DHTKD1: variants seen among roughly 807,000 people sequenced by gnomAD.
The protein encoded by DHTKD1 is 2-oxoadipate dehydrogenase complex component E1.
A neutral mutation model predicts 101.8 loss-of-function variants in DHTKD1; 78 were observed. The observed-to-expected ratio is 0.77, with a 90% CI of 0.64 to 0.93. The LOEUF (loss-of-function observed/expected upper bound fraction) is 0.93, where lower values mean the gene tolerates loss of function less well. DHTKD1 is among the 40% of genes least tolerant of loss of function. The pLI is 0.00. For synonymous variants in DHTKD1, 462 were observed against 450.3 expected, an observed-to-expected ratio of 1.03 and a Z score of -0.33; for missense variants, 1,223 against 1,161.7, an observed-to-expected ratio of 1.05 and a Z score of -0.77.
chr10:12,115,426 G>A (rs1311058772), intron 13 of DHTKD1, among the ~76,000 whole-genome samples: 2 of 152,126 alleles, frequency 1.3e-5, no homozygotes, highest in Non-Finnish European at 1.5e-5. Context: ...TTAGCATTCA[G>A]AGGGGAGTAG....
rs746015890 is a variant in DHTKD1 at position 12,087,775 on chromosome 10, G to A, written c.717+46G>A. 6.8e-7 allele frequency: 1 copy of A among 1,460,610 alleles called. No homozygotes were observed. The highest frequency in any genetic ancestry group is 2.4e-5 in the Admixed American group (1 of 40,910). The allele number at this position is 1,460,610 out of a possible 1,614,324, so 90.5% of individuals were successfully genotyped here. A position where few individuals can be genotyped will look rare whatever the true frequency, so the allele number is the denominator to read the frequency against. ...TCTCAGTAGCACTATATGATTGATT[G>A]TAACAGAATAAAACTGCTGGTTTCA... On this transcript the variant is annotated intron_variant, in intron 4 of 16. Transcript: ENST00000263035. This position sits in a 1 kb window ranked among gnomAD's most constrained non-coding sequence, Gnocchi z 5.2.
intron 10 of DHTKD1, among the ~76,000 whole-genome samples, chr10:12,104,865 T>C (rs1833220481): frequency 1.3e-5 from 2 of 149,624 alleles, no homozygotes; most frequent in Non-Finnish European, 3.0e-5. Flanking sequence ...CAAACCAAGA[T>C]CAACAATTTT....
chr10:12,078,931 C>A (rs145970944), intron 1 of DHTKD1, among the ~76,000 whole-genome samples: 1 of 152,192 alleles, frequency 6.6e-6, no homozygotes, highest in Non-Finnish European at 1.5e-5. Flanking sequence ...TCTAAGGGGA[C>A]GTTTTCAATA....
At chr10:12,083,219 T>C (rs925821472) in intron 2 of DHTKD1, among the ~76,000 whole-genome samples, 17 of 151,514 alleles carry the variant, frequency 1.1e-4, no homozygotes, top group Non-Finnish European at 2.5e-4. Context: ...CTGGGCCACA[T>C]TGGAATTAGA....
intron 10 of DHTKD1, among the ~76,000 whole-genome samples, chr10:12,102,419 T>C (rs1443558471): frequency 1.7e-5 from 2 of 120,438 alleles, no homozygotes; most frequent in Non-Finnish European, 3.4e-5. Flanking sequence ...CGAGACTCTG[T>C]CTCAAAAAAA....
intron 8 of DHTKD1, among the ~76,000 whole-genome samples, chr10:12,098,919 C>T (rs1833114973): frequency 6.6e-6 from 1 of 152,124 alleles, no homozygotes; most frequent in Non-Finnish European, 1.5e-5. Flanking sequence ...ATCTGTAATA[C>T]CAGTGCTTTG....
chr10:12,085,472 T>A (rs1832883451), intron 3 of DHTKD1, among the ~76,000 whole-genome samples: 1 of 152,186 alleles, frequency 6.6e-6, no homozygotes, highest in African/African-American at 2.4e-5. Context: ...TTATTCTAAG[T>A]AGCAAAATGT....
At chr10:12,076,243 C>T (rs755410605) in intron 1 of DHTKD1, among the ~76,000 whole-genome samples, 32 of 152,276 alleles carry the variant, frequency 2.1e-4, no homozygotes, top group South Asian at 6.2e-4. Flanking sequence ...TTTGGGAGGC[C>T]GCGGTGGGCG....
intron 1 of DHTKD1, among the ~76,000 whole-genome samples, chr10:12,073,020 G>A (rs55837502): frequency 6.0e-5 from 9 of 150,268 alleles, no homozygotes; most frequent in African/African-American, 2.0e-4. Context: ...ACAGGCATGA[G>A]CCACCGTGCC....
chr10:12,074,463 C>G (rs1325630860), intron 1 of DHTKD1, among the ~76,000 whole-genome samples: 1 of 151,982 alleles, frequency 6.6e-6, no homozygotes, highest in African/African-American at 2.4e-5. Flanking sequence ...TCACGCCATT[C>G]TCCTGCTTCA....
intron 12 of DHTKD1, among the ~76,000 whole-genome samples, chr10:12,108,581 G>A (rs984486098): frequency 1.3e-5 from 2 of 152,062 alleles, no homozygotes; most frequent in Non-Finnish European, 2.9e-5. Context: ...ACCCTGGCTG[G>A]TTATTAAAAC....
chr10:12,097,203 A>G (rs540983739), intron 7 of DHTKD1, among the ~76,000 whole-genome samples: 1 of 152,148 alleles, frequency 6.6e-6, no homozygotes, highest in Non-Finnish European at 1.5e-5. Flanking sequence ...TGGTGCAACC[A>G]TCACTTCTGT....
chr10:12,081,706 C>A, intron 2 of DHTKD1, 79 bp downstream of exon 2: 1 of 1,540,484 alleles, frequency 6.5e-7, no homozygotes. Flanking sequence ...GAAGAAGCAG[C>A]ATCCCCACTG....
At chr10:12,093,045 A>AT (rs34443347) in intron 6 of DHTKD1, among the ~76,000 whole-genome samples, 102,728 of 138,558 alleles carry the variant, frequency 0.74, 38,416 homozygotes, top group South Asian at 0.85. Context: ...TGCACAGCTA[A>AT]TTTTTTTTTT....
rs1832818008 is a variant in DHTKD1 at position 12,081,508 on chromosome 10, G to A, written c.191G>A (p.Cys64Tyr). ...HGLARLVTVY[C>Y]EHGHKAAKIN... The stretch of plus-strand genomic sequence containing the variant: ...CTTGCCAGGTTGGTGACAGTATATT[G>A]TGAGCATGGTCATAAAGCTGCCAAA... Residue 64 changes from cysteine (C) to tyrosine (Y), a missense_variant, in exon 2 of 17, where the codon TGT becomes TAT. Cys to Tyr is a radical substitution (Grantham distance 194). Transcript: ENST00000263035. The A allele has an allele frequency of 6.2e-7, 1 of 1,613,978 alleles. No homozygotes were observed. Among genetic ancestry groups the A allele is most frequent in the African/African-American group, 1.3e-5 (1 of 74,906 alleles).
At chr10:12,088,783 C>G (rs564595206) in intron 4 of DHTKD1, among the ~76,000 whole-genome samples, 159 of 152,118 alleles carry the variant, frequency 1.0e-3, no homozygotes, top group Non-Finnish European at 2.2e-4. Flanking sequence ...CGGGGTTTCA[C>G]CATGTTGGCC....
intron 5 of DHTKD1, among the ~76,000 whole-genome samples, chr10:12,090,307 T>C (rs1007205222): frequency 1.3e-5 from 2 of 152,190 alleles, no homozygotes; most frequent in African/African-American, 2.4e-5. Flanking sequence ...CAGAAACTTG[T>C]AGTGAATAAA....
chr10:12,079,352 C>T (rs775865899), intron 1 of DHTKD1, among the ~76,000 whole-genome samples: 6 of 152,028 alleles, frequency 3.9e-5, no homozygotes, highest in Non-Finnish European at 8.8e-5. Flanking sequence ...GCTGTAGAGC[C>T]CAGGGAAGAA....
chr10:12,084,422 A>G (rs1383084383), intron 2 of DHTKD1, 118 bp from the exon 3 acceptor site: 4 of 658,170 alleles, frequency 6.1e-6, no homozygotes, highest in Non-Finnish European at 1.0e-5. Context: ...TAAAGGGGGA[A>G]AGTGAGTTTT....
Sources: allele counts gnomAD v4.1 joint callset (sites outside exome capture counted in the v4.1 genomes callset), GRCh38; gene constraint gnomAD v4.1.1; non-coding constraint Gnocchi (gnomAD v3.1); transcripts MANE v1.5; gene names NCBI Gene and HGNC (gene_info 2026-07-23, HGNC 2026-07-21).